CACNA1E: variants seen among roughly 807,000 people sequenced by gnomAD.
The protein encoded by CACNA1E is voltage-dependent R-type calcium channel subunit alpha-1E.
Under a neutral mutation model 259.2 loss-of-function variants are expected in CACNA1E, and 40 were observed. That is an observed-to-expected ratio of 0.15 (90% CI 0.12 to 0.20). The LOEUF is 0.20. Ranked by LOEUF, CACNA1E falls within the 10% of genes least tolerant of loss-of-function variation. The probability of loss-of-function intolerance (pLI) is 1.00; values close to 1 mark genes in which losing one functional copy is unlikely to be tolerated. For missense variants in CACNA1E, 1,874 were observed against 3,040.1 expected, an observed-to-expected ratio of 0.62 and a Z score of 9.02; for synonymous variants, 1,104 against 1,138.5, an observed-to-expected ratio of 0.97 and a Z score of 0.61.
At chr1:181,432,682 C>CT (rs930838154) in intron 2 of CACNA1E, among the ~76,000 whole-genome samples, 26 of 152,252 alleles carry the variant, frequency 1.7e-4, no homozygotes, top group African/African-American at 6.0e-4. Flanking sequence ...GGTGGGAAGT[C>CT]TGAGTTTTGG....
intron 2 of CACNA1E, among the ~76,000 whole-genome samples, chr1:181,425,573 C>G (rs1205960660): frequency 7.9e-6 from 1 of 126,916 alleles, no homozygotes; most frequent in Admixed American, 9.5e-5. Flanking sequence ...CTATAGAATT[C>G]CAGGCACCGA....
intron 2 of CACNA1E, among the ~76,000 whole-genome samples, chr1:181,434,094 G>A (rs1659912809): frequency 6.6e-6 from 1 of 152,182 alleles, no homozygotes; most frequent in African/African-American, 2.4e-5. Context: ...GAGCAACCTT[G>A]GGCTTGACTT....
chr1:181,754,321 C>CAG (rs1657878931), intron 27 of CACNA1E, among the ~76,000 whole-genome samples: 1 of 110,288 alleles, frequency 9.1e-6, no homozygotes, highest in African/African-American at 2.8e-5. Flanking sequence ...GTGCCTGTCA[C>CAG]TTACATTCCC....
At chr1:181,585,496 A>C (rs184139152) in intron 6 of CACNA1E, among the ~76,000 whole-genome samples, 54 of 152,360 alleles carry the variant, frequency 3.5e-4, no homozygotes, top group Admixed American at 2.2e-3. Flanking sequence ...CATGGAACTT[A>C]TATTCTAGTG....
At position 181,732,873 on chromosome 1, in the gene CACNA1E, A is replaced by G. The variant is rs768854015; in HGVS notation, c.2787A>G (p.Glu929=). 3.7e-6 allele frequency: 6 copies of G among 1,613,908 alleles called. No homozygotes were observed. The Admixed American group carries it at 1.0e-4, about 27-fold the overall frequency. The change falls in exon 20 of 48, where the codon GAA becomes GAG. Residue 929 remains glutamate (E), a synonymous_variant. Coordinates refer to ENST00000367573, the MANE Select transcript of CACNA1E (RefSeq NM_001205293.3). This position sits in a 1 kb window ranked among gnomAD's most constrained non-coding sequence, Gnocchi z 5.5. The part of the protein sequence containing the change: ...RRSRHRRVRT[E]GKESSSASRS... ...GCCGGCATCGCCGCGTCAGGACAGA[A>G]GGCAAGGAGTCCTCTTCAGCCTCCC...
rs535453325 is a variant in CACNA1E at position 181,740,285 on chromosome 1, C to T, written c.3719+1032C>T. Among the ~76,000 whole-genome samples the T allele has an allele frequency of 3.1e-4, 47 of 152,186 alleles. 1 individual carries two copies. The highest frequency in any genetic ancestry group is 5.2e-4 in the Admixed American group (8 of 15,284). On this transcript the variant is annotated intron_variant, in intron 25 of 47. Coordinates refer to ENST00000367573, the MANE Select transcript of CACNA1E (RefSeq NM_001205293.3). ...AGCTGCAAAAGGAACACAGTATCTT[C>T]ATACGTTTACCCTTCTGAGTGGTTT...
chr1:181,383,893 T>C (rs1655644149), intron 1 of CACNA1E, among the ~76,000 whole-genome samples: 1 of 152,232 alleles, frequency 6.6e-6, no homozygotes, highest in African/African-American at 2.4e-5. Context: ...TCTTATTTCC[T>C]GCTGGCTGCA....
intron 7 of CACNA1E, among the ~76,000 whole-genome samples, chr1:181,667,825 G>A (rs1648386408): frequency 6.6e-6 from 1 of 151,988 alleles, no homozygotes; most frequent in Admixed American, 6.6e-5. Context: ...AGCTGGCAAT[G>A]TGGAGGACGT....
intron 7 of CACNA1E, among the ~76,000 whole-genome samples, chr1:181,691,918 C>G (rs1651201737): frequency 6.6e-6 from 1 of 152,048 alleles, no homozygotes; most frequent in African/African-American, 2.4e-5. Context: ...CTAGAAAACT[C>G]TAAAGACTTC....
rs1318073628 is a variant in CACNA1E, at chr1:181,554,694, G to A, written c.513-23072G>A. Among the ~76,000 whole-genome samples the A allele has an allele frequency of 3.9e-5, 6 of 152,290 alleles. No homozygotes were observed. In the East Asian group the frequency reaches 1.2e-3, roughly 29 times the overall value. On this transcript the variant is annotated intron_variant, in intron 3 of 47. Coordinates refer to ENST00000367573, the MANE Select transcript of CACNA1E (RefSeq NM_001205293.3). The stretch of plus-strand genomic sequence containing the variant: ...CCTGCTTTCTCGTTGCTCACACACT[G>A]TGTACTGACGTACGGCTGAATTCTC...
At chr1:181,786,332 T>C (rs1398893497) in intron 43 of CACNA1E, among the ~76,000 whole-genome samples, 1 of 152,116 alleles carries the variant, frequency 6.6e-6, no homozygotes, top group Non-Finnish European at 1.5e-5. Flanking sequence ...CCTGGAGGTA[T>C]ATATTAATAT....
intron 25 of CACNA1E, among the ~76,000 whole-genome samples, chr1:181,742,677 G>A (rs1460056505): frequency 1.3e-5 from 2 of 152,168 alleles, no homozygotes; most frequent in African/African-American, 4.8e-5. Flanking sequence ...GCCCCTCACC[G>A]AGTCGGGGGA....
At chr1:181,783,552 G>A (rs1452000380) in intron 39 of CACNA1E, 127 bp from the exon 40 acceptor site, 1 of 591,936 alleles carries the variant, frequency 1.7e-6, no homozygotes, top group African/African-American at 1.9e-5. Context: ...CTGGGGCAGG[G>A]GATGGGGATC....
intron 7 of CACNA1E, among the ~76,000 whole-genome samples, chr1:181,658,323 A>G (rs1036108578): frequency 2.0e-5 from 3 of 152,226 alleles, no homozygotes; most frequent in Non-Finnish European, 4.4e-5. Flanking sequence ...CATGGGAAAC[A>G]GTTGTACATT....
intron 2 of CACNA1E, among the ~76,000 whole-genome samples, chr1:181,426,751 G>GCCCCTTCCCA: frequency 1.5e-5 from 1 of 66,314 alleles, no homozygotes; most frequent in Non-Finnish European, 2.9e-5. Flanking sequence ...GCCCCTTCCC[G>GCCCCTTCCCA]TCTCAACCCC....
At chr1:181,616,670 C>T (rs909152065) in intron 6 of CACNA1E, among the ~76,000 whole-genome samples, 7 of 151,984 alleles carry the variant, frequency 4.6e-5, no homozygotes, top group African/African-American at 1.7e-4. Flanking sequence ...GCTGAGATCG[C>T]ACCACTGCTC....
At position 181,802,557 on chromosome 1, in the gene CACNA1E, C is replaced by T. The variant is rs1481217199; in HGVS notation, c.*3723C>T. 6.6e-6 allele frequency: 1 copy of T among 152,162 alleles called. No homozygotes were observed. The highest frequency in any genetic ancestry group is 2.4e-5 in the African/African-American group (1 of 41,416). 9.4% of individuals were successfully genotyped at this position (152,162 alleles called of 1,614,324 possible). ...CTGAGATGGTTAATTCCACCCAATCCAAGCTTATTTGCTTGCCTGACTGAC... is the reference window on the plus strand; with the variant it reads ...CTGAGATGGTTAATTCCACCCAATCTAAGCTTATTTGCTTGCCTGACTGAC... On this transcript the variant is annotated 3_prime_UTR_variant, in exon 48 of 48. Coordinates refer to ENST00000367573, the MANE Select transcript of CACNA1E (RefSeq NM_001205293.3).
At chr1:181,563,018 A>G (rs974244731) in intron 3 of CACNA1E, among the ~76,000 whole-genome samples, 2 of 152,296 alleles carry the variant, frequency 1.3e-5, no homozygotes, top group Admixed American at 6.5e-5. Context: ...GATATGACTC[A>G]GAAGTACTAG....
intron 6 of CACNA1E, among the ~76,000 whole-genome samples, chr1:181,588,610 G>T (rs1022285360): frequency 8.5e-5 from 13 of 152,148 alleles, no homozygotes; most frequent in African/African-American, 3.1e-4. Context: ...TGTGCCTCCT[G>T]ATCTGGTGCC....
Sources: gnomAD v4.1 joint callset for allele counts (sites outside exome capture counted in the v4.1 genomes callset) on GRCh38, gnomAD v4.1.1 for gene constraint, Gnocchi (gnomAD v3.1) non-coding constraint, MANE v1.5 for transcripts, NCBI Gene and HGNC (gene_info 2026-07-23, HGNC 2026-07-21) for gene names.